The following TTC23L variants were observed in gnomAD, a reference collection of about 807,000 sequenced individuals.
TTC23L encodes tetratricopeptide repeat domain 23 like.
TTC23L carries 42 observed loss-of-function variants against 48.1 expected under a neutral mutation model. The ratio of observed to expected loss-of-function variants is 0.87; its 90% confidence interval spans 0.68 to 1.13. The LOEUF (loss-of-function observed/expected upper bound fraction) is 1.13. Among genes scored for constraint, TTC23L ranks in the 50% most tolerant of loss-of-function variants. The pLI is 0.00. For missense variants in TTC23L, 391 were observed against 421.0 expected (o/e 0.93, Z 0.62); for synonymous variants, 159 against 157.2 (o/e 1.01, Z -0.09).
At chr5:34,913,091 T>G in the TTC23L span, among the ~76,000 whole-genome samples, 1 of 152,112 alleles carries the variant, frequency 6.6e-6, no homozygotes, top group Non-Finnish European at 1.5e-5. Flanking sequence ...AAACTAGGAG[T>G]CAGAACTGGC....
intron 3 of TTC23L, among the ~76,000 whole-genome samples, chr5:34,848,571 T>C (rs3846631): frequency 0.41 from 62,564 of 152,004 alleles, 13,082 homozygotes; most frequent in South Asian, 0.47. Flanking sequence ...TAATGGGATA[T>C]TGAGTGATGA....
chr5:34,839,777 T>A, intron 1 of TTC23L: 1 of 353,384 alleles, frequency 2.8e-6, no homozygotes, highest in Non-Finnish European at 4.0e-6. Flanking sequence ...TTTAAGCGAC[T>A]GGCATAGCCT....
downstream of TTC23L, among the ~76,000 whole-genome samples, chr5:34,902,660 G>A (rs571361409): frequency 3.3e-5 from 5 of 152,234 alleles, no homozygotes; most frequent in African/African-American, 1.2e-4. Context: ...CCAAAGCCTT[G>A]TCCACTGACT....
intron 9 of TTC23L, among the ~76,000 whole-genome samples, chr5:34,881,856 C>G (rs1335940548): frequency 6.6e-6 from 1 of 151,686 alleles, no homozygotes; most frequent in Non-Finnish European, 1.5e-5. Context: ...CTCTGCCTCC[C>G]AAGTTCAAGC....
Position 34,868,934 on chromosome 5 carries a change from T to C in TTC23L, c.870T>C (p.Thr290=). 2.5e-6 allele frequency: 4 copies of C among 1,610,706 alleles called. 1 individual carries two copies. The South Asian group carries it at 4.4e-5, about 18-fold the overall frequency. ...ATTCTGTCTGTGTTTCTTTGTTCAC[T>C]GAAGTCAGCCCCAAAACTGCAGAAA... Residue 290 remains threonine (T), a synonymous_variant, in exon 8 of 11, where the codon ACT becomes ACC. Transcript: ENST00000505624.
intron 4 of TTC23L, among the ~76,000 whole-genome samples, chr5:34,860,032 A>G (rs1267260400): frequency 1.3e-5 from 2 of 151,398 alleles, no homozygotes; most frequent in African/African-American, 4.9e-5. Context: ...TTTTTTTAGT[A>G]GAGACAGGGT....
chr5:34,911,800 G>A, the TTC23L span: 2 of 1,614,094 alleles, frequency 1.2e-6, no homozygotes, highest in South Asian at 1.1e-5. Context: ...CATTCGAAGT[G>A]CAGTTAAAGT....
At chr5:34,895,260 C>G (rs1372996937) in intron 9 of TTC23L, among the ~76,000 whole-genome samples, 1 of 152,144 alleles carries the variant, frequency 6.6e-6, no homozygotes, top group Non-Finnish European at 1.5e-5. Flanking sequence ...TGCCATTAGG[C>G]AAGTTATCTT....
chr5:34,911,237 T>C, the TTC23L span, among the ~76,000 whole-genome samples: 1 of 152,184 alleles, frequency 6.6e-6, no homozygotes, highest in South Asian at 2.1e-4. Context: ...TTCCAAACAC[T>C]TAAACCCAAT....
chr5:34,841,840 C>T (rs577781258), intron 2 of TTC23L, among the ~76,000 whole-genome samples: 1 of 152,164 alleles, frequency 6.6e-6, no homozygotes, highest in African/African-American at 2.4e-5. Flanking sequence ...TAACCATTCT[C>T]TATAGCAGGG....
At chr5:34,899,023 G>C (rs1763402925) in intron 10 of TTC23L, among the ~76,000 whole-genome samples, 1 of 152,170 alleles carries the variant, frequency 6.6e-6, no homozygotes, top group South Asian at 2.1e-4. Flanking sequence ...CTCGTGAGAA[G>C]AAACCACTTG....
the TTC23L span, chr5:34,914,616 G>A: frequency 7.4e-7 from 1 of 1,351,272 alleles, no homozygotes; most frequent in Non-Finnish European, 1.1e-6. Flanking sequence ...AAGTTATTTT[G>A]TCTACTGAAA....
rs560011946 is a variant in TTC23L, at chr5:34,869,021, A to G, written c.949+8A>G. On this transcript the variant is annotated splice_region_variant and intron_variant, in intron 8 of 10. Coordinates refer to ENST00000505624, the Ensembl canonical transcript of TTC23L. ...GAGAGGCCCAGCACAGGGGTAGGTAAAAGAGGTAGCCTTGAAGTTATTTCC... is the reference window on the plus strand; with the variant it reads ...GAGAGGCCCAGCACAGGGGTAGGTAGAAGAGGTAGCCTTGAAGTTATTTCC... The G allele has an allele frequency of 2.4e-5, 38 of 1,592,036 alleles. No homozygotes were observed. The South Asian group carries it at 4.0e-4, about 17-fold the overall frequency.
chr5:34,844,888 T>G (rs1758981928), intron 2 of TTC23L, among the ~76,000 whole-genome samples: 1 of 152,234 alleles, frequency 6.6e-6, no homozygotes, highest in Non-Finnish European at 1.5e-5. Context: ...CCGTGTCCTC[T>G]TTTCTTGGCC....
intron 1 of TTC23L, chr5:34,839,571 C>G: frequency 1.1e-6 from 1 of 921,206 alleles, no homozygotes; most frequent in Non-Finnish European, 1.3e-6. Flanking sequence ...TTGCTGTGGG[C>G]ATAGTGTTTA....
chr5:34,869,147 A>C, intron 8 of TTC23L, 134 bp downstream of exon 8: 1 of 659,630 alleles, frequency 1.5e-6, no homozygotes, highest in South Asian at 1.8e-5. Context: ...AGTCTCATAC[A>C]AAATCAATTA....
At chr5:34,856,791 C>G (rs898014693) in intron 4 of TTC23L, among the ~76,000 whole-genome samples, 1 of 152,210 alleles carries the variant, frequency 6.6e-6, no homozygotes, top group African/African-American at 2.4e-5. Context: ...GTATCTGATG[C>G]TGCAGTGAAA....
intron 8 of TTC23L, among the ~76,000 whole-genome samples, chr5:34,878,805 A>T (rs1351032530): frequency 6.6e-6 from 1 of 152,206 alleles, no homozygotes; most frequent in Admixed American, 6.5e-5. Flanking sequence ...ATAACTAAAA[A>T]TAGAATGACC....
intron 9 of TTC23L, among the ~76,000 whole-genome samples, chr5:34,892,782 GA>G (rs1762954363): frequency 6.6e-6 from 1 of 152,134 alleles, no homozygotes; most frequent in Non-Finnish European, 1.5e-5. Context: ...TATTGCTGAG[GA>G]AAAGCAAGTG....
Sources: gnomAD v4.1 joint callset for allele counts (sites outside exome capture counted in the v4.1 genomes callset) on GRCh38, gnomAD v4.1.1 for gene constraint, MANE v1.5 for transcripts, NCBI Gene and HGNC (gene_info 2026-07-23, HGNC 2026-07-21) for gene names.